The following BMPR1A variants were observed in gnomAD, a reference collection of about 807,000 sequenced individuals.
BMPR1A encodes the protein bone morphogenetic protein receptor type 1A.
BMPR1A carries 7 observed loss-of-function variants against 66.0 expected under a neutral mutation model. The ratio of observed to expected loss-of-function variants is 0.11; its 90% CI spans 0.06 to 0.20. BMPR1A has a LOEUF of 0.20. Among genes scored for constraint, BMPR1A ranks in the 10% least tolerant of loss-of-function variants. BMPR1A has a pLI of 1.00. For missense variants in BMPR1A, 408 were observed against 669.1 expected (o/e 0.61, Z 4.31); for synonymous variants, 200 against 229.7 (o/e 0.87, Z 1.17).
intron 2 of BMPR1A, among the ~76,000 whole-genome samples, chr10:86,863,833 C>A (rs1479847361): frequency 6.6e-6 from 1 of 151,886 alleles, no homozygotes; most frequent in East Asian, 1.9e-4. Flanking sequence ...AATCTTTGTA[C>A]CCTGAATTAA....
intron 9 of BMPR1A, 26 bp downstream of exon 9, chr10:86,917,352 T>A: frequency 6.2e-7 from 1 of 1,613,386 alleles, no homozygotes; most frequent in Non-Finnish European, 8.5e-7. Context: ...TTCAGTCAAT[T>A]TCATTTTTGA....
At chr10:86,827,405 G>A (rs988633023) in intron 1 of BMPR1A, among the ~76,000 whole-genome samples, 1 of 151,958 alleles carries the variant, frequency 6.6e-6, no homozygotes, top group African/African-American at 2.4e-5. Context: ...ACTGGAATAT[G>A]GAATATTCTA....
At chr10:86,828,794 AAT>A (rs1554882628) in intron 1 of BMPR1A, among the ~76,000 whole-genome samples, 1 of 151,938 alleles carries the variant, frequency 6.6e-6, no homozygotes, top group Non-Finnish European at 1.5e-5. Flanking sequence ...ATAAAAAAAA[AAT>A]ATATATACAA....
rs1200913927 is a variant in BMPR1A at position 86,869,516 on chromosome 10, G to C, written c.-152-6351G>C. Among the ~76,000 whole-genome samples the C allele has an allele frequency of 4.6e-5, 7 of 151,778 alleles. No individual in the cohort carries two copies. In the East Asian group the frequency reaches 1.4e-3, roughly 29 times the overall value. On this transcript the variant is annotated intron_variant, in intron 2 of 12. Transcript: ENST00000372037. ...TCACACCTGTAATCTCAGCACTTTG[G>C]GAGGCAGAGGCGGGAGGATCACCTG...
intron 1 of BMPR1A, among the ~76,000 whole-genome samples, chr10:86,799,469 T>TCTTTCTTC (rs1841775668): frequency 1.7e-5 from 2 of 120,904 alleles, no homozygotes; most frequent in African/African-American, 5.8e-5. Flanking sequence ...TTCCTTCCTT[T>TCTTTCTTC]CTTCCTTCCT....
chr10:86,876,157 A>G (rs1030152628), intron 3 of BMPR1A, 72 bp downstream of exon 3: 39 of 1,419,312 alleles, frequency 2.7e-5, no homozygotes, highest in Non-Finnish European at 3.7e-5. Flanking sequence ...TGTTCTTTCA[A>G]CTCATCCCTG....
chr10:86,767,693 T>C (rs148359036), intron 1 of BMPR1A, among the ~76,000 whole-genome samples: 2 of 152,158 alleles, frequency 1.3e-5, no homozygotes, highest in East Asian at 3.9e-4. Flanking sequence ...ACAAAACATA[T>C]ATTTTAATCT....
rs1434873779 is a variant in BMPR1A at position 86,925,797 on chromosome 10, G to A, written c.*2078G>A. Reference sequence around the variant, plus strand: ...CTGCGGACTGCAGTGGCGCAATCTCGGCTCACTGCAAGCTCCGCTTCCCGG... The same window carrying A: ...CTGCGGACTGCAGTGGCGCAATCTCAGCTCACTGCAAGCTCCGCTTCCCGG... On this transcript the variant is annotated 3_prime_UTR_variant, in exon 13 of 13. Coordinates refer to ENST00000372037, the MANE Select transcript of BMPR1A (RefSeq NM_004329.3). The A allele has an allele frequency of 1.3e-5, 2 of 151,296 alleles. No homozygotes were observed. Among genetic ancestry groups the A allele is most frequent in the Admixed American group, 7.2e-5 (1 of 13,946 alleles). 9.4% of individuals were successfully genotyped at this position (151,296 alleles called of 1,614,324 possible). A position where few individuals can be genotyped will look rare whatever the true frequency, so the allele number is the denominator to read the frequency against.
At chr10:86,778,202 A>G (rs1454476165) in intron 1 of BMPR1A, among the ~76,000 whole-genome samples, 1 of 150,748 alleles carries the variant, frequency 6.6e-6, no homozygotes, top group Non-Finnish European at 1.5e-5. Flanking sequence ...AAATTCCTAA[A>G]CTTTCTTAAA....
In BMPR1A at chr10:86,867,118, CTG is replaced by C. The variant is rs1335400929; in HGVS notation, c.-152-8747_-152-8746del. On this transcript the variant is annotated intron_variant, in intron 2 of 12. Coordinates refer to ENST00000372037, the MANE Select transcript of BMPR1A (RefSeq NM_004329.3). ...CTGAACTCTTTACCACCACATTAAA[CTG>C]TTTTTTTCTCTATTCAATTTACCAG... is the stretch of plus-strand genomic sequence containing the variant. Among the ~76,000 whole-genome samples the C allele has an allele frequency of 1.2e-4, 18 of 152,278 alleles. 1 individual carries two copies. Among genetic ancestry groups the C allele is most frequent in the African/African-American group, 4.3e-4 (18 of 41,562 alleles).
At chr10:86,813,891 G>T (rs1423379295) in intron 1 of BMPR1A, among the ~76,000 whole-genome samples, 1 of 152,118 alleles carries the variant, frequency 6.6e-6, no homozygotes, top group African/African-American at 2.4e-5. Context: ...CTGAGTTTTT[G>T]TATGTTGATA....
intron 1 of BMPR1A, among the ~76,000 whole-genome samples, chr10:86,793,023 C>T (rs916249381): frequency 6.6e-6 from 1 of 152,004 alleles, no homozygotes; most frequent in Admixed American, 6.6e-5. Context: ...TTGTTTCTTT[C>T]TGGTAAGTCT....
chr10:86,895,350 C>G (rs1564716400), intron 5 of BMPR1A, among the ~76,000 whole-genome samples: 1 of 151,918 alleles, frequency 6.6e-6, no homozygotes, highest in South Asian at 2.1e-4. Context: ...CCAGCCTGAT[C>G]AACATGGCGA....
intron 1 of BMPR1A, among the ~76,000 whole-genome samples, chr10:86,819,966 CCAGTTGCTTTCTAG>C (rs1842097295): frequency 6.6e-6 from 1 of 152,200 alleles, no homozygotes; most frequent in Non-Finnish European, 1.5e-5. Flanking sequence ...AAAGGTGAAT[CCAGTTGCTTTCTAG>C]CACTTTTCCT....
At chr10:86,827,066 C>G (rs1453703135) in intron 1 of BMPR1A, among the ~76,000 whole-genome samples, 2 of 152,060 alleles carry the variant, frequency 1.3e-5, no homozygotes, top group Non-Finnish European at 2.9e-5. Context: ...CTGGTCCAAA[C>G]TTCTATCTTG....
At chr10:86,868,778 G>GTTTTTTT (rs55872033) in intron 2 of BMPR1A, among the ~76,000 whole-genome samples, 7 of 141,064 alleles carry the variant, frequency 5.0e-5, no homozygotes, top group South Asian at 4.5e-4. Context: ...CTTTTCCTGT[G>GTTTTTTT]TTTTTTTTTT....
intron 2 of BMPR1A, among the ~76,000 whole-genome samples, chr10:86,846,179 C>T (rs1014457349): frequency 2.0e-5 from 3 of 152,096 alleles, no homozygotes; most frequent in Non-Finnish European, 4.4e-5. Context: ...GAAGGCAAGC[C>T]CGCATCTGGA....
chr10:86,765,213 T>G (rs1473721475), intron 1 of BMPR1A, among the ~76,000 whole-genome samples: 2 of 151,814 alleles, frequency 1.3e-5, no homozygotes, highest in Non-Finnish European at 2.9e-5. Flanking sequence ...CTTGGCCAGG[T>G]GCTGTGGCTC....
chr10:86,786,673 C>T (rs554602055), intron 1 of BMPR1A, among the ~76,000 whole-genome samples: 123 of 152,344 alleles, frequency 8.1e-4, no homozygotes, highest in African/African-American at 2.9e-3. Context: ...TTGAAACCCT[C>T]TTTGTTTTAA....
Sources: allele counts gnomAD v4.1 joint callset (sites outside exome capture counted in the v4.1 genomes callset), GRCh38; gene constraint gnomAD v4.1.1; transcripts MANE v1.5; gene names NCBI Gene and HGNC (gene_info 2026-07-23, HGNC 2026-07-21).